Variants in DDX10 observed in about 807,000 individuals in gnomAD.
DDX10 encodes DEAD-box helicase 10.
A neutral mutation model predicts 104.3 loss-of-function variants in DDX10; 74 were observed. That is an observed-to-expected ratio of 0.71 (90% CI 0.59 to 0.86). The LOEUF (loss-of-function observed/expected upper bound fraction) is 0.86. Among genes scored for constraint, DDX10 ranks in the 40% least tolerant of loss-of-function variants. DDX10 has a pLI of 0.00. For missense variants in DDX10, 952 were observed against 1,040.0 expected (o/e 0.92, Z 1.16); for synonymous variants, 351 against 353.4 (o/e 0.99, Z 0.08).
chr11:108,727,166 A>C (rs1345597551), intron 13 of DDX10, among the ~76,000 whole-genome samples: 1 of 151,978 alleles, frequency 6.6e-6, no homozygotes, highest in East Asian at 1.9e-4. Flanking sequence ...TGGGAATATG[A>C]CACATTTTGA....
intron 1 of DDX10, among the ~76,000 whole-genome samples, chr11:108,666,189 A>G (rs563004666): frequency 6.6e-6 from 1 of 152,334 alleles, no homozygotes; most frequent in East Asian, 1.9e-4. Context: ...TAACAGATGG[A>G]ACATTCTTGT....
chr11:108,720,184 C>T (rs2094296566), intron 12 of DDX10, among the ~76,000 whole-genome samples: 1 of 152,192 alleles, frequency 6.6e-6, no homozygotes, highest in Admixed American at 6.5e-5. Flanking sequence ...ATTGACTTGG[C>T]AGAAAATTAG....
At chr11:108,677,038 G>A in intron 3 of DDX10, 47 bp from the exon 4 acceptor site, 1 of 1,559,638 alleles carries the variant, frequency 6.4e-7, no homozygotes, top group Non-Finnish European at 8.7e-7. Context: ...AGGTCAAAAA[G>A]CTGACTTCTG....
intron 15 of DDX10, among the ~76,000 whole-genome samples, chr11:108,851,042 G>C (rs559157941): frequency 1.3e-5 from 2 of 152,052 alleles, no homozygotes; most frequent in African/African-American, 4.8e-5. Flanking sequence ...ACAGTAATGT[G>C]CTAATGGACA....
intron 13 of DDX10, among the ~76,000 whole-genome samples, chr11:108,771,667 G>T (rs116557166): frequency 6.6e-6 from 1 of 152,194 alleles, no homozygotes; most frequent in Non-Finnish European, 1.5e-5. Flanking sequence ...TGGATTAGAT[G>T]TTGTGGGGTC....
At chr11:108,834,751 C>G (rs1010961038) in intron 13 of DDX10, among the ~76,000 whole-genome samples, 2 of 151,796 alleles carry the variant, frequency 1.3e-5, no homozygotes, top group African/African-American at 4.8e-5. Flanking sequence ...CACAGTGAAA[C>G]CCTGTCTCTA....
At chr11:108,918,295 T>C (rs980660928) in intron 17 of DDX10, 7 of 404,700 alleles carry the variant, frequency 1.7e-5, no homozygotes, top group African/African-American at 1.2e-4. Flanking sequence ...CTCTATTCTT[T>C]TTTTTTTTTT....
intron 9 of DDX10, among the ~76,000 whole-genome samples, chr11:108,704,747 T>G (rs1228356382): frequency 6.6e-6 from 1 of 152,212 alleles, no homozygotes; most frequent in Non-Finnish European, 1.5e-5. Context: ...TTGGTATTAG[T>G]CTTTCAGTTC....
Position 108,678,294 on chromosome 11 carries a change from AAAAT to A in DDX10, c.538-14_538-11del, listed in dbSNP as rs778057605. On this transcript the variant is annotated splice_polypyrimidine_tract_variant and intron_variant, in intron 4 of 17. Transcript: ENST00000322536. ...CTGAGAGTGATGTGTCTGTGTAATC[AAAAT>A]AAATAACTGTTTTCAGGATCTAAAA... 2.1e-5 allele frequency: 33 copies of A among 1,604,992 alleles called. No individual in the cohort carries two copies. In the Admixed American group the frequency reaches 5.6e-4, roughly 27 times the overall value.
At chr11:108,740,703 T>A (rs2094324109) in intron 13 of DDX10, among the ~76,000 whole-genome samples, 1 of 152,194 alleles carries the variant, frequency 6.6e-6, no homozygotes, top group Non-Finnish European at 1.5e-5. Flanking sequence ...GCTATCTTAT[T>A]GTGGTTTTGA....
At position 108,905,323 on chromosome 11, in the gene DDX10, G is replaced by T. The variant is rs1267384121; in HGVS notation, c.2305-12550G>T. ...TATTAGATTGTTTAAGGGGGGGGGGGGTTGAAATCCTGTGATCCAGTCCCA... is the reference window on the plus strand; with the variant it reads ...TATTAGATTGTTTAAGGGGGGGGGGTGTTGAAATCCTGTGATCCAGTCCCA... On this transcript the variant is annotated intron_variant, in intron 16 of 17. Coordinates refer to ENST00000322536, the MANE Select transcript of DDX10 (RefSeq NM_004398.4). 5.7e-5 allele frequency among the ~76,000 whole-genome samples: 8 copies of T among 141,550 alleles called. 1 individual carries two copies. The South Asian group carries it at 7.5e-4, about 13-fold the overall frequency. 92.9% of individuals were successfully genotyped at this position (141,550 alleles called of 152,430 possible).
chr11:108,766,735 A>G (rs1211706231), intron 13 of DDX10, among the ~76,000 whole-genome samples: 2 of 152,178 alleles, frequency 1.3e-5, no homozygotes, highest in Non-Finnish European at 2.9e-5. Flanking sequence ...AGGGTCATCT[A>G]TTTCATCACA....
At chr11:108,873,744 G>A (rs1403923981) in intron 16 of DDX10, among the ~76,000 whole-genome samples, 2 of 152,090 alleles carry the variant, frequency 1.3e-5, no homozygotes, top group African/African-American at 4.8e-5. Context: ...CACTGTCTAG[G>A]CATTTTGTTT....
chr11:108,851,204 A>C (rs992549466), intron 15 of DDX10, among the ~76,000 whole-genome samples: 2 of 152,108 alleles, frequency 1.3e-5, no homozygotes, highest in African/African-American at 4.8e-5. Context: ...AGTGTCTAAC[A>C]CAGGAAAACT....
chr11:108,678,214 ATGT>A (rs2094228717), intron 4 of DDX10, 98 bp from the exon 5 acceptor site: 8 of 1,168,410 alleles, frequency 6.8e-6, no homozygotes, highest in African/African-American at 3.1e-5. Context: ...AGTATCTAAA[ATGT>A]TGTGATGAAA....
At chr11:108,770,200 A>C (rs1286004716) in intron 13 of DDX10, among the ~76,000 whole-genome samples, 1 of 152,146 alleles carries the variant, frequency 6.6e-6, no homozygotes, top group Non-Finnish European at 1.5e-5. Flanking sequence ...GGTACATGAG[A>C]TGTTTTGATA....
intron 16 of DDX10, among the ~76,000 whole-genome samples, chr11:108,875,140 A>C (rs1863135682): frequency 6.6e-6 from 1 of 152,172 alleles, no homozygotes; most frequent in Non-Finnish European, 1.5e-5. Flanking sequence ...TAGAACCATA[A>C]AGTTTCTATG....
intron 16 of DDX10, among the ~76,000 whole-genome samples, chr11:108,890,906 G>T (rs1167031640): frequency 6.6e-6 from 1 of 152,166 alleles, no homozygotes; most frequent in East Asian, 1.9e-4. Flanking sequence ...TGAACTGCTA[G>T]ATGTGACCTG....
intron 13 of DDX10, among the ~76,000 whole-genome samples, chr11:108,730,347 T>G (rs2094310511): frequency 6.6e-6 from 1 of 152,190 alleles, no homozygotes; most frequent in Non-Finnish European, 1.5e-5. Context: ...AAGTGACAAC[T>G]CGGGCTCCCC....
Sources: gnomAD v4.1 joint callset for allele counts (sites outside exome capture counted in the v4.1 genomes callset) on GRCh38, gnomAD v4.1.1 for gene constraint, MANE v1.5 for transcripts, NCBI Gene and HGNC (gene_info 2026-07-23, HGNC 2026-07-21) for gene names.